Variants in SLC44A5 observed in about 807,000 individuals in gnomAD.
The protein encoded by SLC44A5 is choline transporter-like protein 5.
A neutral mutation model predicts 101.8 loss-of-function variants in SLC44A5; 57 were observed. That is an observed-to-expected ratio of 0.56 (90% CI 0.45 to 0.70). The LOEUF (loss-of-function observed/expected upper bound fraction) is 0.70. SLC44A5 is among the 30% of genes least tolerant of loss of function. The probability of loss-of-function intolerance (pLI) is 0.00; values close to 1 mark genes in which losing one functional copy is unlikely to be tolerated. For missense variants in SLC44A5, 737 were observed against 853.1 expected (o/e 0.86, Z 1.70); for synonymous variants, 281 against 290.9 (o/e 0.97, Z 0.35).
chr1:75,510,928 G>C (rs1443023325), intron 2 of SLC44A5, among the ~76,000 whole-genome samples: 1 of 152,180 alleles, frequency 6.6e-6, no homozygotes, highest in Admixed American at 6.5e-5. Context: ...GGATGACGAG[G>C]TTAGGAGATC....
chr1:75,702,377 T>C, the SLC44A5 span, among the ~76,000 whole-genome samples: 2 of 152,144 alleles, frequency 1.3e-5, no homozygotes, highest in Admixed American at 1.3e-4. Context: ...CATCTGATCT[T>C]TGACAAACCT....
Position 75,311,397 on chromosome 1 carries a change from G to A in SLC44A5, c.102-10712C>T, listed in dbSNP as rs139264793. On this transcript the variant is annotated intron_variant, in intron 4 of 23. Transcript: ENST00000370859. ...CTCCCAAAGTGCTGGGATTACAGGCGTGAGCCACCGCATCCAGCCCTCAAA... is the reference window on the plus strand; with the variant it reads ...CTCCCAAAGTGCTGGGATTACAGGCATGAGCCACCGCATCCAGCCCTCAAA... 8.7e-3 allele frequency among the ~76,000 whole-genome samples: 1,332 copies of A among 152,234 alleles called. 19 individuals carry two copies. The highest frequency in any genetic ancestry group is 0.046 in the South Asian group (222 of 4,820).
intron 2 of SLC44A5, among the ~76,000 whole-genome samples, chr1:75,407,059 C>A (rs1008355467): frequency 1.3e-5 from 2 of 152,004 alleles, no homozygotes; most frequent in South Asian, 2.1e-4. Flanking sequence ...TGCCTATACA[C>A]CAATAACAGA....
At chr1:75,597,963 C>A (rs1318120376) in intron 1 of SLC44A5, among the ~76,000 whole-genome samples, 1 of 152,080 alleles carries the variant, frequency 6.6e-6, no homozygotes, top group African/African-American at 2.4e-5. Flanking sequence ...AACTAAAGAG[C>A]TTCTGCACAG....
At chr1:75,233,518 G>A (rs1195429118) in intron 12 of SLC44A5, among the ~76,000 whole-genome samples, 3 of 152,120 alleles carry the variant, frequency 2.0e-5, no homozygotes, top group Non-Finnish European at 2.9e-5. Flanking sequence ...TGCCTCTAGA[G>A]GGCAATGCTT....
At chr1:75,306,817 C>T (rs1013822089) in intron 4 of SLC44A5, among the ~76,000 whole-genome samples, 2 of 147,694 alleles carry the variant, frequency 1.4e-5, no homozygotes, top group African/African-American at 5.1e-5. Flanking sequence ...TCACTGCAAG[C>T]TCCGCCTCCC....
At chr1:75,706,371 A>T in the SLC44A5 span, among the ~76,000 whole-genome samples, 1 of 152,096 alleles carries the variant, frequency 6.6e-6, no homozygotes, top group Admixed American at 6.6e-5. Context: ...CTCAAATATA[A>T]TTTTTGCAAA....
chr1:75,402,521 G>T (rs1324654617), intron 2 of SLC44A5: 3 of 259,882 alleles, frequency 1.2e-5, no homozygotes, highest in African/African-American at 4.4e-5. Context: ...TAGACAATGG[G>T]TGTAGCCCAC....
chr1:75,647,974 G>T, the SLC44A5 span, among the ~76,000 whole-genome samples: 2,394 of 152,224 alleles, frequency 0.016, 77 homozygotes, highest in African/African-American at 0.053. Flanking sequence ...ATTTTGTTTT[G>T]AAACGTGAGA....
intron 5 of SLC44A5, among the ~76,000 whole-genome samples, chr1:75,296,645 G>A (rs761506459): frequency 1.3e-5 from 2 of 151,990 alleles, no homozygotes; most frequent in African/African-American, 2.4e-5. Context: ...ATAGCGAGGT[G>A]CCCTGCCCCC....
chr1:75,494,402 A>G (rs2101819725), intron 2 of SLC44A5, among the ~76,000 whole-genome samples: 1 of 152,290 alleles, frequency 6.6e-6, no homozygotes, highest in South Asian at 2.1e-4. Context: ...CCCAACTCTT[A>G]TAGCTAGTAC....
In SLC44A5 at chr1:75,376,477, C is replaced by G. The variant is rs371639489; in HGVS notation, c.52+20106G>C. Among the ~76,000 whole-genome samples the G allele has an allele frequency of 2.2e-4, 33 of 152,326 alleles. 1 individual carries two copies. The East Asian group carries it at 4.8e-3, about 22-fold the overall frequency. ...AGAGAGCAGTGGTTCTCCCAGCACG[C>G]AGCTGGAGATCTGAGAACGGGCAGA... is the stretch of plus-strand genomic sequence containing the variant. On this transcript the variant is annotated intron_variant, in intron 3 of 23. Transcript: ENST00000370859.
intron 2 of SLC44A5, among the ~76,000 whole-genome samples, chr1:75,423,221 T>C (rs1288154505): frequency 6.6e-6 from 1 of 152,196 alleles, no homozygotes. Flanking sequence ...ATTTCATACA[T>C]ACACCGTGAA....
chr1:75,673,866 C>T, the SLC44A5 span, among the ~76,000 whole-genome samples: 1 of 152,266 alleles, frequency 6.6e-6, no homozygotes, highest in African/African-American at 2.4e-5. Context: ...AGCTTGGGGT[C>T]TCATAATGCA....
intron 5 of SLC44A5, among the ~76,000 whole-genome samples, chr1:75,279,518 G>T (rs1652214394): frequency 6.6e-6 from 1 of 152,090 alleles, no homozygotes; most frequent in South Asian, 2.1e-4. Context: ...TCCTAACCAT[G>T]GAAATTGTGA....
At chr1:75,422,952 T>A (rs1301788935) in intron 2 of SLC44A5, among the ~76,000 whole-genome samples, 1 of 152,132 alleles carries the variant, frequency 6.6e-6, no homozygotes, top group East Asian at 1.9e-4. Flanking sequence ...TGTCTTTATG[T>A]GCTAATTTGA....
chr1:75,406,325 C>T (rs1662864097), intron 2 of SLC44A5, among the ~76,000 whole-genome samples: 1 of 152,172 alleles, frequency 6.6e-6, no homozygotes, highest in Non-Finnish European at 1.5e-5. Flanking sequence ...TTCTTCCAAA[C>T]TATGGAAATA....
intron 4 of SLC44A5, among the ~76,000 whole-genome samples, chr1:75,327,495 A>G (rs1419464872): frequency 6.6e-6 from 1 of 152,190 alleles, no homozygotes; most frequent in African/African-American, 2.4e-5. Flanking sequence ...GTGAAAAGCT[A>G]TTCCTTTTCT....
At chr1:75,336,579 G>A (rs955744856) in intron 4 of SLC44A5, among the ~76,000 whole-genome samples, 5 of 152,144 alleles carry the variant, frequency 3.3e-5, no homozygotes, top group African/African-American at 9.7e-5. Flanking sequence ...TAAAACCCGA[G>A]ATGATAATAT....
Sources: gnomAD v4.1 joint callset for allele counts (sites outside exome capture counted in the v4.1 genomes callset) on GRCh38, gnomAD v4.1.1 for gene constraint, MANE v1.5 for transcripts, NCBI Gene and HGNC (gene_info 2026-07-23, HGNC 2026-07-21) for gene names.